Variants in CAMKMT observed in about 807,000 individuals in gnomAD.
The protein encoded by CAMKMT is calmodulin-lysine N-methyltransferase, also known as CaM KMT.
A neutral mutation model predicts 48.0 loss-of-function variants in CAMKMT; 53 were observed. That is an observed-to-expected ratio of 1.10 (90% CI 0.89 to 1.39). CAMKMT has a LOEUF of 1.39. Ranked by LOEUF, CAMKMT falls within the 40% of genes most tolerant of loss-of-function variation. The pLI, the probability that CAMKMT is intolerant of heterozygous loss-of-function variation, is 0.00. For missense variants in CAMKMT, 428 were observed against 402.7 expected (o/e 1.06, Z -0.54); for synonymous variants, 165 against 152.3 (o/e 1.08, Z -0.61).
At chr2:44,575,844 G>A (rs556488840) in intron 3 of CAMKMT, among the ~76,000 whole-genome samples, 2 of 151,986 alleles carry the variant, frequency 1.3e-5, no homozygotes, top group Admixed American at 6.6e-5. Context: ...CGGTGACGGT[G>A]AGACCCTGTC....
In CAMKMT at chr2:44,372,809, G is replaced by T; in HGVS notation, c.232G>T (p.Glu78Ter). 6.2e-7 allele frequency: 1 copy of T among 1,613,930 alleles called. No homozygotes were observed. The highest frequency in any genetic ancestry group is 8.5e-7 in the Non-Finnish European group (1 of 1,179,918). The change falls in exon 2 of 11, where the codon GAA becomes TAA. Residue 78 changes from glutamate to a stop codon, truncating the protein, a stop_gained. Transcript: ENST00000378494. LOFTEE classifies it high-confidence loss of function. ...TCTGTTTTCAGTAACAGAAGGCAAA[G>T]AAAGGGAAACTGAAGAGGAGGTTGG... ...FNLFSVTEGK[E>*]RETEEEVGAW...
chr2:44,636,828 T>TC (rs1476880977), intron 3 of CAMKMT, among the ~76,000 whole-genome samples: 1 of 152,148 alleles, frequency 6.6e-6, no homozygotes, highest in African/African-American at 2.4e-5. Flanking sequence ...TTTGTCGGTT[T>TC]CCCCCCAACT....
chr2:44,700,269 C>G (rs1248615731), intron 3 of CAMKMT, among the ~76,000 whole-genome samples: 1 of 152,182 alleles, frequency 6.6e-6, no homozygotes, highest in Admixed American at 6.5e-5. Context: ...ACCACTAAAA[C>G]TTTCTCCATA....
chr2:44,494,358 T>A (rs1669655063), intron 3 of CAMKMT, among the ~76,000 whole-genome samples: 1 of 152,220 alleles, frequency 6.6e-6, no homozygotes, highest in African/African-American at 2.4e-5. Context: ...TATTTTAATA[T>A]ATTTCTTTTA....
chr2:44,736,015 A>G (rs1679340560), intron 7 of CAMKMT, among the ~76,000 whole-genome samples: 1 of 152,210 alleles, frequency 6.6e-6, no homozygotes, highest in Non-Finnish European at 1.5e-5. Context: ...ATCTATACAT[A>G]TATTATCACC....
At chr2:44,663,875 C>A (rs1281062188) in intron 3 of CAMKMT, among the ~76,000 whole-genome samples, 1 of 152,064 alleles carries the variant, frequency 6.6e-6, no homozygotes, top group Non-Finnish European at 1.5e-5. Context: ...CCTTTTAACA[C>A]TTACATTCTT....
intron 3 of CAMKMT, among the ~76,000 whole-genome samples, chr2:44,645,560 C>A (rs1367715519): frequency 6.6e-6 from 1 of 152,172 alleles, no homozygotes; most frequent in Non-Finnish European, 1.5e-5. Context: ...ATGGCTCACA[C>A]CTATAATCCC....
At chr2:44,441,594 A>T (rs1468367034) in intron 3 of CAMKMT, among the ~76,000 whole-genome samples, 1 of 151,572 alleles carries the variant, frequency 6.6e-6, no homozygotes, top group African/African-American at 2.4e-5. Context: ...TTTTTTTTTT[A>T]AACCCAACAC....
Position 44,487,389 on chromosome 2 carries a change from G to T in CAMKMT, c.376+97084G>T, listed in dbSNP as rs1669264444. On this transcript the variant is annotated intron_variant, in intron 3 of 10. Coordinates refer to ENST00000378494, the MANE Select transcript of CAMKMT (RefSeq NM_024766.5). ...CAAATGTTTTGAGTTTTTAGTATTT[G>T]TTTATTATATAAAGTTGAAATATGT... is the stretch of plus-strand genomic sequence containing the variant. Among the ~76,000 whole-genome samples, 5 of 152,102 alleles carry T rather than the reference G, an allele frequency of 3.3e-5. No homozygotes were observed. In the South Asian group the frequency reaches 1.0e-3, roughly 32 times the overall value.
chr2:44,570,530 A>G (rs1668850836), intron 3 of CAMKMT, among the ~76,000 whole-genome samples: 1 of 152,172 alleles, frequency 6.6e-6, no homozygotes, highest in African/African-American at 2.4e-5. Context: ...GTTCATTTAC[A>G]TGGGGAAGAA....
intron 3 of CAMKMT, among the ~76,000 whole-genome samples, chr2:44,437,037 G>A (rs551064398): frequency 1.9e-4 from 29 of 152,096 alleles, no homozygotes; most frequent in Non-Finnish European, 2.8e-4. Flanking sequence ...ATACCTGAGC[G>A]TTTAATTTTA....
chr2:44,377,325 A>T (rs774019348), intron 2 of CAMKMT, among the ~76,000 whole-genome samples: 25 of 152,144 alleles, frequency 1.6e-4, no homozygotes, highest in South Asian at 6.2e-4. Flanking sequence ...TTTGTTTCTT[A>T]GAACTTTGTA....
intron 3 of CAMKMT, among the ~76,000 whole-genome samples, chr2:44,558,409 G>A (rs184410699): frequency 4.1e-4 from 62 of 152,218 alleles, no homozygotes; most frequent in South Asian, 1.7e-3. Flanking sequence ...TTTAGACCTC[G>A]GGTGGACCAA....
chr2:44,437,810 G>T lies in CAMKMT; in HGVS notation c.376+47505G>T, dbSNP rs537780072. Among the ~76,000 whole-genome samples, 5 of 143,196 alleles carry T rather than the reference G, an allele frequency of 3.5e-5. No individual in the cohort carries two copies. The South Asian group carries it at 1.1e-3, about 31-fold the overall frequency. 93.9% of individuals were successfully genotyped at this position (143,196 alleles called of 152,430 possible). On this transcript the variant is annotated intron_variant, in intron 3 of 10. Transcript: ENST00000378494. ...GCAGTGATTCAGCCACTGTACTTTG[G>T]CTCAGGCAACAGAGCAAGACTCTGC...
intron 3 of CAMKMT, among the ~76,000 whole-genome samples, chr2:44,635,009 G>A (rs1381969054): frequency 6.6e-6 from 1 of 152,128 alleles, no homozygotes; most frequent in African/African-American, 2.4e-5. Flanking sequence ...GGAGTTTGAG[G>A]TTACAATGAA....
chr2:44,761,331 G>A (rs1329502738), intron 9 of CAMKMT, among the ~76,000 whole-genome samples: 1 of 152,190 alleles, frequency 6.6e-6, no homozygotes, highest in Admixed American at 6.5e-5. Flanking sequence ...GGCCTGACTA[G>A]AGCCCAAGAT....
intron 3 of CAMKMT, among the ~76,000 whole-genome samples, chr2:44,473,704 A>G (rs1453486438): frequency 1.3e-5 from 2 of 152,162 alleles, no homozygotes; most frequent in South Asian, 2.1e-4. Context: ...TTAATGTGGA[A>G]TAAGTAAACT....
intron 3 of CAMKMT, among the ~76,000 whole-genome samples, chr2:44,531,595 A>G (rs1666488888): frequency 6.6e-6 from 1 of 152,092 alleles, no homozygotes; most frequent in South Asian, 2.1e-4. Flanking sequence ...CTGGTCATGT[A>G]TCCCTTTTTT....
In CAMKMT at chr2:44,618,767, G is replaced by A. The variant is rs1672024798; in HGVS notation, c.377-85516G>A. The stretch of plus-strand genomic sequence containing the variant: ...AAGGCGCCTTCTGCAGAGTTCAGCA[G>A]TAAGGCTCTCAGTGCTTCTACCTAC... On this transcript the variant is annotated intron_variant, in intron 3 of 10. Transcript: ENST00000378494. The surrounding 1 kb of genome is among the most constrained non-coding windows in gnomAD (Gnocchi z 4.0). Among the ~76,000 whole-genome samples the A allele has an allele frequency of 6.6e-6, 1 of 152,222 alleles. No homozygotes were observed. The highest frequency in any genetic ancestry group is 2.4e-5 in the African/African-American group (1 of 41,458).
Sources: gnomAD v4.1 joint callset for allele counts (sites outside exome capture counted in the v4.1 genomes callset) on GRCh38, gnomAD v4.1.1 for gene constraint, Gnocchi (gnomAD v3.1) non-coding constraint, MANE v1.5 for transcripts, NCBI Gene and HGNC (gene_info 2026-07-23, HGNC 2026-07-21) for gene names.